The following CDH12 variants were observed in gnomAD, a reference collection of about 807,000 sequenced individuals.
The protein encoded by CDH12 is cadherin-12.
A neutral mutation model predicts 74.1 loss-of-function variants in CDH12; 41 were observed. The observed-to-expected ratio is 0.55, with a 90% CI of 0.43 to 0.72. The LOEUF is 0.72. CDH12 is among the 30% of genes least tolerant of loss of function. The pLI, the probability that CDH12 is intolerant of heterozygous loss-of-function variation, is 0.00. For missense variants in CDH12, 945 were observed against 977.2 expected (o/e 0.97, Z 0.44); for synonymous variants, 399 against 355.0 (o/e 1.12, Z -1.39).
chr5:22,115,078 T>C (rs1273329581), intron 4 of CDH12, among the ~76,000 whole-genome samples: 4 of 152,206 alleles, frequency 2.6e-5, no homozygotes, highest in Admixed American at 1.3e-4. Flanking sequence ...CATTCTCTTT[T>C]AACCACCCAG....
chr5:22,750,443 A>G (rs1029102742), intron 1 of CDH12, among the ~76,000 whole-genome samples: 9 of 152,202 alleles, frequency 5.9e-5, no homozygotes, highest in African/African-American at 1.9e-4. Context: ...ATGCAATTAG[A>G]AAGCCATGGC....
intron 5 of CDH12, among the ~76,000 whole-genome samples, chr5:21,996,317 C>A (rs1222293465): frequency 6.6e-6 from 1 of 151,890 alleles, no homozygotes; most frequent in Non-Finnish European, 1.5e-5. Context: ...TCAGGTATTG[C>A]AAAAATAATG....
Position 22,394,851 on chromosome 5 carries a change from T to G in CDH12, c.-333+10406A>C, listed in dbSNP as rs1453000966. ...TCTAAGTTAAATTATCAATTTTGGC[T>G]TCTGGGTTAATGATATATAGAGGAG... On this transcript the variant is annotated intron_variant, in intron 3 of 14. Transcript: ENST00000382254. Among the ~76,000 whole-genome samples the G allele has an allele frequency of 2.0e-5, 3 of 152,134 alleles. No individual in the cohort carries two copies. The South Asian group carries it at 6.2e-4, about 31-fold the overall frequency.
chr5:22,625,032 C>A (rs1415315148), intron 1 of CDH12, among the ~76,000 whole-genome samples: 1 of 152,138 alleles, frequency 6.6e-6, no homozygotes, highest in African/African-American at 2.4e-5. Flanking sequence ...AAGCTAGAAA[C>A]TATCATTCTC....
chr5:22,846,666 A>G (rs1397574681), intron 1 of CDH12, among the ~76,000 whole-genome samples: 3 of 152,176 alleles, frequency 2.0e-5, no homozygotes, highest in African/African-American at 7.2e-5. Context: ...ACATTTTACA[A>G]TCCAGCCAAA....
At chr5:22,110,694 C>T in intron 4 of CDH12, among the ~76,000 whole-genome samples, 1 of 152,066 alleles carries the variant, frequency 6.6e-6, no homozygotes. Flanking sequence ...ATGTTATCTG[C>T]AGAAGCAATT....
intron 10 of CDH12, among the ~76,000 whole-genome samples, chr5:21,796,385 G>GA (rs70957063): frequency 0.71 from 107,197 of 151,682 alleles, 38,417 homozygotes; most frequent in Non-Finnish European, 0.77. Flanking sequence ...AACTGAAGGG[G>GA]AAAAAGGAAT....
At chr5:21,775,139 T>C (rs369764297) in intron 11 of CDH12, among the ~76,000 whole-genome samples, 8 of 152,228 alleles carry the variant, frequency 5.3e-5, no homozygotes, top group African/African-American at 1.9e-4. Flanking sequence ...CAAGGATGCC[T>C]ATTCTCAAAG....
At chr5:22,117,108 A>T (rs920564090) in intron 4 of CDH12, among the ~76,000 whole-genome samples, 3 of 151,676 alleles carry the variant, frequency 2.0e-5, no homozygotes, top group African/African-American at 7.3e-5. Context: ...CACTCAAGTT[A>T]GGTAGCTTTT....
At chr5:22,725,773 C>T (rs1744135472) in intron 1 of CDH12, among the ~76,000 whole-genome samples, 1 of 151,614 alleles carries the variant, frequency 6.6e-6, no homozygotes, top group African/African-American at 2.4e-5. Flanking sequence ...AAGAAAGTGA[C>T]ATTAGTAGAT....
In CDH12 at chr5:22,078,665, C is replaced by T. The variant is rs766264616; in HGVS notation, c.12G>A (p.Arg4=). The T allele has an allele frequency of 2.5e-6, 4 of 1,613,560 alleles. No individual in the cohort carries two copies. The highest frequency in any genetic ancestry group is 2.5e-6 in the Non-Finnish European group (3 of 1,179,650). The part of the protein sequence containing the change: MLT[R]NCLSLLLWVL... ...CCCAGAGAAGCAGGGATAAACAGTT[C>T]CTTGTAAGCATTGGCAAAGGCTTTC... The change falls in exon 5 of 15, where the codon AGG becomes AGA. Residue 4 remains arginine (R), a synonymous_variant. Transcript: ENST00000382254.
intron 14 of CDH12, among the ~76,000 whole-genome samples, chr5:21,752,898 G>A (rs976618052): frequency 3.3e-5 from 5 of 152,114 alleles, no homozygotes; most frequent in African/African-American, 1.2e-4. Flanking sequence ...TCAATTCTGT[G>A]TCCTGCCATA....
At chr5:22,436,824 G>T (rs1052625634) in intron 2 of CDH12, among the ~76,000 whole-genome samples, 1 of 152,096 alleles carries the variant, frequency 6.6e-6, no homozygotes, top group Non-Finnish European at 1.5e-5. Flanking sequence ...AGAGAAGGTC[G>T]TTACCCTTTA....
At chr5:22,380,263 C>T (rs887565282) in intron 3 of CDH12, among the ~76,000 whole-genome samples, 1 of 152,120 alleles carries the variant, frequency 6.6e-6, no homozygotes. Context: ...TAATCAACCT[C>T]CACTGGGGAC....
intron 3 of CDH12, among the ~76,000 whole-genome samples, chr5:22,279,986 C>T (rs1223123757): frequency 6.6e-6 from 1 of 152,116 alleles, no homozygotes; most frequent in Non-Finnish European, 1.5e-5. Flanking sequence ...AGTTTACAGT[C>T]CCACCAACAG....
intron 3 of CDH12, among the ~76,000 whole-genome samples, chr5:22,296,669 GCTAT>G (rs1222761579): frequency 6.6e-6 from 1 of 152,066 alleles, no homozygotes; most frequent in Admixed American, 6.6e-5. Flanking sequence ...AAATATACAT[GCTAT>G]CTAATTTAAA....
intron 1 of CDH12, among the ~76,000 whole-genome samples, chr5:22,715,864 C>T (rs1047550818): frequency 6.6e-5 from 10 of 151,140 alleles, no homozygotes; most frequent in Non-Finnish European, 1.0e-4. Context: ...TGGCTAAGCA[C>T]GTTGGGTTAC....
chr5:22,786,686 A>T (rs896187643), intron 1 of CDH12, among the ~76,000 whole-genome samples: 1 of 151,878 alleles, frequency 6.6e-6, no homozygotes, highest in Non-Finnish European at 1.5e-5. Context: ...GAGGAAGTCT[A>T]TGCCTACATT....
At position 22,138,405 on chromosome 5, in the gene CDH12, A is replaced by G. The variant is rs183691718; in HGVS notation, c.-186-59543T>C. ...ATTTAAAACCAATTCAGAACACACA[A>G]GTAGGTATCACTTAAATGTCTTTTT... On this transcript the variant is annotated intron_variant, in intron 4 of 14. Coordinates refer to ENST00000382254, the MANE Select transcript of CDH12 (RefSeq NM_004061.5). Among the ~76,000 whole-genome samples, 597 of 151,880 alleles carry G rather than the reference A, an allele frequency of 3.9e-3. 2 individuals are homozygous for G. Among genetic ancestry groups the G allele is most frequent in the African/African-American group, 0.014 (567 of 41,536 alleles).
Sources: gnomAD v4.1 joint callset for allele counts (sites outside exome capture counted in the v4.1 genomes callset) on GRCh38, gnomAD v4.1.1 for gene constraint, MANE v1.5 for transcripts, NCBI Gene and HGNC (gene_info 2026-07-23, HGNC 2026-07-21) for gene names.